The following WLS variants were observed in gnomAD, a reference collection of about 807,000 sequenced individuals.
WLS encodes protein wntless homolog.
WLS carries 23 observed loss-of-function variants against 62.8 expected under a neutral mutation model. The ratio of observed to expected loss-of-function variants is 0.37; its 90% CI spans 0.26 to 0.52. The LOEUF (loss-of-function observed/expected upper bound fraction) is 0.52, where lower values mean the gene tolerates loss of function less well. Ranked by LOEUF, WLS falls within the 20% of genes least tolerant of loss-of-function variation. The pLI is 0.92. For missense variants in WLS, 615 were observed against 697.3 expected (o/e 0.88, Z 1.33); for synonymous variants, 246 against 244.1 (o/e 1.01, Z -0.07).
downstream of WLS, among the ~76,000 whole-genome samples, chr1:68,124,725 C>A (rs1290806290): frequency 6.6e-6 from 1 of 152,138 alleles, no homozygotes; most frequent in African/African-American, 2.4e-5. Flanking sequence ...AAAGCATTTT[C>A]TACTGTCACT....
chr1:68,186,059 A>G (rs1341296806), intron 2 of WLS, among the ~76,000 whole-genome samples: 4 of 152,212 alleles, frequency 2.6e-5, no homozygotes, highest in Admixed American at 2.0e-4. Flanking sequence ...AGGCATTCCT[A>G]TCACTCAGGA....
At chr1:68,195,709 TTA>T (rs1648621791) in intron 1 of WLS, among the ~76,000 whole-genome samples, 1 of 152,142 alleles carries the variant, frequency 6.6e-6, no homozygotes, top group Admixed American at 6.5e-5. Context: ...AATCCCTCTT[TTA>T]TGTTTTTCCC....
intron 6 of WLS, 48 bp downstream of exon 6, chr1:68,150,140 T>C: frequency 6.3e-7 from 1 of 1,593,180 alleles, no homozygotes; most frequent in Non-Finnish European, 8.6e-7. Flanking sequence ...CTTGGCAGCC[T>C]GCACAGAGCA....
At chr1:68,112,285 G>A (rs1049595040) in intron 11 of WLS, among the ~76,000 whole-genome samples, 1 of 152,152 alleles carries the variant, frequency 6.6e-6, no homozygotes, top group Non-Finnish European at 1.5e-5. Flanking sequence ...AGTACCTACT[G>A]GCTGGACCCT....
intron 3 of WLS, among the ~76,000 whole-genome samples, chr1:68,156,200 T>A (rs967459553): frequency 6.6e-6 from 1 of 152,156 alleles, no homozygotes; most frequent in South Asian, 2.1e-4. Context: ...TTCCCTGATA[T>A]AGAAGATGAG....
chr1:68,223,031 T>A (rs1190701804), intron 1 of WLS, among the ~76,000 whole-genome samples: 3 of 152,154 alleles, frequency 2.0e-5, no homozygotes, highest in African/African-American at 4.8e-5. Context: ...TTTAATCAAT[T>A]TCTTGTCTCA....
In WLS at chr1:68,126,043, A is replaced by T; in HGVS notation, c.*183T>A. On this transcript the variant is annotated 3_prime_UTR_variant, in exon 12 of 12. Coordinates refer to ENST00000262348, the MANE Select transcript of WLS (RefSeq NM_024911.7). Reference sequence around the variant, plus strand: ...ACACAATGCATTAGTGGCTGCAGGAATCTTCCTCCAAAAGCTACCGTCAGA... The same window carrying T: ...ACACAATGCATTAGTGGCTGCAGGATTCTTCCTCCAAAAGCTACCGTCAGA... 1 of 1,433,998 alleles carries T rather than the reference A, an allele frequency of 7.0e-7. No individual in the cohort carries two copies. Among genetic ancestry groups the T allele is most frequent in the Non-Finnish European group, 9.2e-7 (1 of 1,090,688 alleles). 88.8% of individuals were successfully genotyped at this position (1,433,998 alleles called of 1,614,324 possible).
At chr1:68,129,250 G>A (rs548151474) in intron 11 of WLS, among the ~76,000 whole-genome samples, 6 of 152,284 alleles carry the variant, frequency 3.9e-5, no homozygotes, top group Middle Eastern at 3.4e-3. Context: ...GTTTGAACCC[G>A]GAAGGCGGAG....
chr1:68,220,362 G>C (rs1300430023), intron 1 of WLS, among the ~76,000 whole-genome samples: 3 of 152,178 alleles, frequency 2.0e-5, no homozygotes, highest in East Asian at 1.9e-4. Flanking sequence ...CTCTCCTTCA[G>C]AGAAATGGCT....
chr1:68,179,214 A>C (rs17130549), intron 2 of WLS, among the ~76,000 whole-genome samples: 1,532 of 152,330 alleles, frequency 0.01, 27 homozygotes, highest in African/African-American at 0.034. Context: ...TCATCTATTT[A>C]CAAAACCAAA....
intron 10 of WLS, among the ~76,000 whole-genome samples, chr1:68,144,245 A>G (rs1646723971): frequency 6.6e-6 from 1 of 152,252 alleles, no homozygotes. Flanking sequence ...TGCTAGATAA[A>G]AATGGAATCA....
intron 2 of WLS, chr1:68,161,760 C>A: frequency 6.3e-7 from 1 of 1,596,680 alleles, no homozygotes; most frequent in Non-Finnish European, 8.6e-7. Flanking sequence ...TCTGCTATTG[C>A]TCGTTGGAGT....
intron 1 of WLS, among the ~76,000 whole-genome samples, chr1:68,200,093 G>A (rs1468191704): frequency 2.0e-5 from 3 of 152,128 alleles, no homozygotes; most frequent in Non-Finnish European, 4.4e-5. Flanking sequence ...AATCAGAACA[G>A]CACCATTTTA....
intron 2 of WLS, among the ~76,000 whole-genome samples, chr1:68,190,848 G>A (rs758337517): frequency 4.9e-4 from 74 of 152,008 alleles, no homozygotes; most frequent in Non-Finnish European, 1.8e-4. Flanking sequence ...ACCTGAGGTC[G>A]GGAGTTCTAG....
chr1:68,131,722 C>A (rs894612638), intron 11 of WLS, among the ~76,000 whole-genome samples: 1 of 152,108 alleles, frequency 6.6e-6, no homozygotes, highest in Non-Finnish European at 1.5e-5. Context: ...GAAGTTCTAA[C>A]CCCTAGAACC....
intron 1 of WLS, among the ~76,000 whole-genome samples, chr1:68,216,064 T>C (rs1443206764): frequency 6.6e-6 from 1 of 152,224 alleles, no homozygotes; most frequent in Non-Finnish European, 1.5e-5. Flanking sequence ...GTGAAGAAGA[T>C]GGACCACAAC....
intron 11 of WLS, among the ~76,000 whole-genome samples, chr1:68,113,898 C>T (rs1378807402): frequency 6.6e-6 from 1 of 152,206 alleles, no homozygotes; most frequent in Non-Finnish European, 1.5e-5. Flanking sequence ...TCCCATGCCT[C>T]AGATTTAGAA....
At chr1:68,204,488 T>C (rs1403402603) in intron 1 of WLS, among the ~76,000 whole-genome samples, 1 of 152,112 alleles carries the variant, frequency 6.6e-6, no homozygotes, top group Non-Finnish European at 1.5e-5. Context: ...TTTGTATTTT[T>C]AGTAGAGACG....
intron 11 of WLS, among the ~76,000 whole-genome samples, chr1:68,111,703 G>A (rs755921708): frequency 3.9e-5 from 6 of 152,120 alleles, no homozygotes; most frequent in African/African-American, 1.4e-4. Context: ...GGAAACATTT[G>A]GATACTTTAT....
Sources: allele counts gnomAD v4.1 joint callset (sites outside exome capture counted in the v4.1 genomes callset), GRCh38; gene constraint gnomAD v4.1.1; transcripts MANE v1.5; gene names NCBI Gene and HGNC (gene_info 2026-07-23, HGNC 2026-07-21).